CLASP1: variants seen among roughly 807,000 people sequenced by gnomAD.
The protein encoded by CLASP1 is cytoplasmic linker associated protein 1.
Under a neutral mutation model 192.3 loss-of-function variants are expected in CLASP1, and 38 were observed. The ratio of observed to expected loss-of-function variants is 0.20; its 90% CI spans 0.15 to 0.26. The LOEUF (loss-of-function observed/expected upper bound fraction) is 0.26, where lower values mean the gene tolerates loss of function less well. CLASP1 is among the 10% of genes least tolerant of loss of function. CLASP1 has a pLI of 1.00. For missense variants in CLASP1, 1,433 were observed against 1,932.5 expected (o/e 0.74, Z 4.85); for synonymous variants, 691 against 712.8 (o/e 0.97, Z 0.49).
At chr2:121,425,525 A>T (rs544814772) in intron 21 of CLASP1, among the ~76,000 whole-genome samples, 1 of 152,352 alleles carries the variant, frequency 6.6e-6, no homozygotes, top group South Asian at 2.1e-4. Context: ...CTGGTGGAAT[A>T]GCCTCCTTAT....
intron 2 of CLASP1, among the ~76,000 whole-genome samples, chr2:121,592,600 G>C (rs2062541350): frequency 6.6e-6 from 1 of 152,060 alleles, no homozygotes; most frequent in Admixed American, 6.6e-5. Flanking sequence ...AAGGAATGGT[G>C]AACTAGAAAA....
chr2:121,435,913 A>T (rs2082218719), intron 19 of CLASP1, among the ~76,000 whole-genome samples: 1 of 152,090 alleles, frequency 6.6e-6, no homozygotes, highest in Admixed American at 6.5e-5. Context: ...GATATGCTCC[A>T]CCCTTCCTAT....
At chr2:121,530,784 GCTA>G (rs1301113817) in intron 2 of CLASP1, 4 of 573,522 alleles carry the variant, frequency 7.0e-6, no homozygotes, top group African/African-American at 1.9e-5. Context: ...AGGTAAGCTA[GCTA>G]CCAGACCGAC....
intron 25 of CLASP1, 40 bp from the exon 27 acceptor site, chr2:121,404,474 T>G (rs1357949906): frequency 6.5e-7 from 1 of 1,547,420 alleles, no homozygotes. Flanking sequence ...TTTACTACTT[T>G]TATTATTTTT....
intron 20 of CLASP1, among the ~76,000 whole-genome samples, chr2:121,429,433 C>T (rs2081001921): frequency 6.6e-6 from 1 of 152,180 alleles, no homozygotes; most frequent in African/African-American, 2.4e-5. Context: ...AGGTGGGCCC[C>T]TTAAAGTTTA....
At chr2:121,433,464 A>G (rs2081805827) in intron 19 of CLASP1, among the ~76,000 whole-genome samples, 1 of 152,120 alleles carries the variant, frequency 6.6e-6, no homozygotes, top group Admixed American at 6.6e-5. Flanking sequence ...AATAAATTTT[A>G]AAGTAATAGG....
chr2:121,343,496 G>A (rs926282000), intron 39 of CLASP1, among the ~76,000 whole-genome samples: 58 of 152,172 alleles, frequency 3.8e-4, no homozygotes, highest in Non-Finnish European at 6.8e-4. Flanking sequence ...GAAAAGGAAG[G>A]AAATTCTGAC....
Position 121,342,369 on chromosome 2 carries a change from C to G in CLASP1, c.4531-1422G>C, listed in dbSNP as rs760829337. Among the ~76,000 whole-genome samples, 3 of 152,154 alleles carry G rather than the reference C, an allele frequency of 2.0e-5. No individual in the cohort carries two copies. In the South Asian group the frequency reaches 6.2e-4, roughly 32 times the overall value. On this transcript the variant is annotated intron_variant, in intron 39 of 39. Transcript: ENST00000263710. Reference sequence around the variant, plus strand: ...GTGGGCTCAAGCAATCCTCCTGCCTCGGCCTCCCAAAGTGCTGGGATTACT... The same window carrying G: ...GTGGGCTCAAGCAATCCTCCTGCCTGGGCCTCCCAAAGTGCTGGGATTACT...
At chr2:121,440,408 G>T (rs914329596) in intron 19 of CLASP1, among the ~76,000 whole-genome samples, 1 of 152,164 alleles carries the variant, frequency 6.6e-6, no homozygotes, top group African/African-American at 2.4e-5. Context: ...TTCAATAAAT[G>T]CAACAAGCAG....
At chr2:121,601,138 T>A (rs1434006654) in intron 2 of CLASP1, among the ~76,000 whole-genome samples, 1 of 152,124 alleles carries the variant, frequency 6.6e-6, no homozygotes, top group Non-Finnish European at 1.5e-5. Flanking sequence ...TACTCTTAAG[T>A]CAGAAGCATC....
chr2:121,354,732 A>C (rs1014311426), intron 37 of CLASP1, among the ~76,000 whole-genome samples: 1 of 152,170 alleles, frequency 6.6e-6, no homozygotes, highest in Non-Finnish European at 1.5e-5. Flanking sequence ...CAAAATTAGA[A>C]AGCACTGATG....
chr2:121,606,749 G>GA (rs1156246528), intron 1 of CLASP1, among the ~76,000 whole-genome samples: 1 of 152,134 alleles, frequency 6.6e-6, no homozygotes, highest in Non-Finnish European at 1.5e-5. Flanking sequence ...CTACAACAAA[G>GA]AAAAGAAAGA....
chr2:121,540,971 C>T (rs1229664799), intron 2 of CLASP1, among the ~76,000 whole-genome samples: 1 of 152,136 alleles, frequency 6.6e-6, no homozygotes. Context: ...CAGCTATTAG[C>T]TTTAAAATAC....
At chr2:121,588,321 A>G (rs1387928904) in intron 2 of CLASP1, among the ~76,000 whole-genome samples, 1 of 152,212 alleles carries the variant, frequency 6.6e-6, no homozygotes, top group African/African-American at 2.4e-5. Context: ...TCCCTTATAC[A>G]TATCAATACC....
chr2:121,493,835 AT>A (rs1270247192), intron 8 of CLASP1, among the ~76,000 whole-genome samples: 1 of 152,236 alleles, frequency 6.6e-6, no homozygotes, highest in Non-Finnish European at 1.5e-5. Context: ...GCAAACAGGC[AT>A]ATTAAAAAAG....
intron 19 of CLASP1, among the ~76,000 whole-genome samples, chr2:121,432,654 GTC>G (rs2081633506): frequency 6.6e-6 from 1 of 152,090 alleles, no homozygotes; most frequent in Admixed American, 6.5e-5. Flanking sequence ...TTTTGATAAA[GTC>G]TGATCATTTT....
rs149838710 is a variant in CLASP1 at position 121,400,692 on chromosome 2, T to C, written c.2900+817A>G. ...TCACTGATAAAATGAGCATCATCTT[T>C]AAGGTCCTTCCATCTTGAAATTCTA... On this transcript the variant is annotated intron_variant, in intron 28 of 39. Coordinates refer to ENST00000263710, the Ensembl canonical transcript of CLASP1. 2.2e-3 allele frequency among the ~76,000 whole-genome samples: 338 copies of C among 152,396 alleles called. 1 individual carries two copies. Among genetic ancestry groups the C allele is most frequent in the African/African-American group, 7.9e-3 (330 of 41,600 alleles).
chr2:121,492,039 G>A (rs2093331601), intron 8 of CLASP1, among the ~76,000 whole-genome samples: 1 of 151,948 alleles, frequency 6.6e-6, no homozygotes, highest in South Asian at 2.1e-4. Context: ...TTGTTCACAA[G>A]CAACAAAAGA....
chr2:121,473,143 CAA>C (rs2091051382), intron 8 of CLASP1, among the ~76,000 whole-genome samples: 1 of 150,702 alleles, frequency 6.6e-6, no homozygotes, highest in Non-Finnish European at 1.5e-5. Flanking sequence ...TCAGGAGGGG[CAA>C]AAAAATCAGA....
Sources: gnomAD v4.1 joint callset for allele counts (sites outside exome capture counted in the v4.1 genomes callset) on GRCh38, gnomAD v4.1.1 for gene constraint, MANE v1.5 for transcripts, NCBI Gene and HGNC (gene_info 2026-07-23, HGNC 2026-07-21) for gene names.